Variants in ABLIM1 observed in about 807,000 individuals in gnomAD.
The protein encoded by ABLIM1 is actin binding LIM protein 1.
Under a neutral mutation model 107.0 loss-of-function variants are expected in ABLIM1, and 40 were observed. The ratio of observed to expected loss-of-function variants is 0.37; its 90% CI spans 0.29 to 0.49. The LOEUF (loss-of-function observed/expected upper bound fraction) is 0.49. ABLIM1 is among the 20% of genes least tolerant of loss of function. ABLIM1 has a pLI of 0.97. For missense variants in ABLIM1, 857 were observed against 1,008.5 expected, an observed-to-expected ratio of 0.85 and a Z score of 2.04; for synonymous variants, 357 against 357.3, an observed-to-expected ratio of 1.00 and a Z score of 0.01.
At chr10:114,693,440 T>C (rs779351988) in intron 1 of ABLIM1, among the ~76,000 whole-genome samples, 109 of 152,132 alleles carry the variant, frequency 7.2e-4, no homozygotes, top group Non-Finnish European at 1.4e-3. Flanking sequence ...AGCCACAGGC[T>C]CTGAGCAACA....
chr10:114,475,387 T>C (rs917883617), intron 8 of ABLIM1, among the ~76,000 whole-genome samples: 3 of 152,216 alleles, frequency 2.0e-5, no homozygotes, highest in Non-Finnish European at 4.4e-5. Flanking sequence ...TCATTCTTTT[T>C]TCCTTCATGA....
chr10:114,715,427 C>A (rs1387356501), intron 1 of ABLIM1, among the ~76,000 whole-genome samples: 1 of 152,224 alleles, frequency 6.6e-6, no homozygotes, highest in South Asian at 2.1e-4. Context: ...ATCTCCTGCT[C>A]TTTCCTTAGT....
intron 1 of ABLIM1, among the ~76,000 whole-genome samples, chr10:114,748,353 C>A (rs1250381220): frequency 6.6e-6 from 1 of 152,078 alleles, no homozygotes; most frequent in African/African-American, 2.4e-5. Flanking sequence ...GCAATCTATA[C>A]AAAAGTGACC....
chr10:114,618,081 T>C (rs987339463), intron 1 of ABLIM1, among the ~76,000 whole-genome samples: 2 of 152,350 alleles, frequency 1.3e-5, no homozygotes, highest in East Asian at 3.9e-4. Context: ...CTTAACACTA[T>C]GCTTATATCA....
In ABLIM1 at chr10:114,532,013, T is replaced by C. The variant is rs1022802107; in HGVS notation, c.894+12992A>G. On this transcript the variant is annotated intron_variant, in intron 6 of 22. Coordinates refer to ENST00000533213, the MANE Select transcript of ABLIM1 (RefSeq NM_002313.7). ...TATTTTTAGTAGATACGGGGTTTCA[T>C]GATGTTGGCCAGGCTCGTCTCGAAC... Among the ~76,000 whole-genome samples, 11 of 152,168 alleles carry C rather than the reference T, an allele frequency of 7.2e-5. No individual in the cohort carries two copies. The East Asian group carries it at 2.1e-3, about 29-fold the overall frequency.
chr10:114,779,408 T>C, the ABLIM1 span: 2 of 152,240 alleles, frequency 1.3e-5, no homozygotes, highest in Non-Finnish European at 2.9e-5. Flanking sequence ...GATTTCTTGC[T>C]TTCCTTGCCC....
intron 6 of ABLIM1, among the ~76,000 whole-genome samples, chr10:114,511,365 T>A (rs2061845462): frequency 6.6e-6 from 1 of 151,910 alleles, no homozygotes. Context: ...TTCTCACCTC[T>A]TTAAAAAAAT....
chr10:114,507,275 G>GAGTGGTGTATCTAACAATCATTGAGT (rs1165580178), intron 6 of ABLIM1, among the ~76,000 whole-genome samples: 1 of 152,156 alleles, frequency 6.6e-6, no homozygotes, highest in Non-Finnish European at 1.5e-5. Context: ...GAACAGTGAG[G>GAGTGGTGTATCTAACAATCATTGAGT]AGTGGTGTAT....
intron 6 of ABLIM1, among the ~76,000 whole-genome samples, chr10:114,496,429 T>C (rs1251894784): frequency 1.3e-5 from 2 of 150,434 alleles, no homozygotes; most frequent in African/African-American, 4.9e-5. Context: ...TGTTCTCACT[T>C]ACAAGTGGGA....
chr10:114,662,811 A>G (rs1435920657), upstream of ABLIM1, among the ~76,000 whole-genome samples: 2 of 152,244 alleles, frequency 1.3e-5, no homozygotes, highest in African/African-American at 2.4e-5. Flanking sequence ...AAGCGTAATT[A>G]GTTTAACAGG....
intron 1 of ABLIM1, among the ~76,000 whole-genome samples, chr10:114,628,303 C>T (rs1325848688): frequency 1.3e-5 from 2 of 152,240 alleles, no homozygotes; most frequent in African/African-American, 2.4e-5. Flanking sequence ...TGTCTGGAGA[C>T]ATATTTGATT....
chr10:114,486,880 C>A (rs1264014505), intron 8 of ABLIM1, among the ~76,000 whole-genome samples: 2 of 152,028 alleles, frequency 1.3e-5, no homozygotes, highest in African/African-American at 4.8e-5. Context: ...AAACAAAAAA[C>A]AAAGGAAAAA....
chr10:114,533,078 G>A (rs748857491), intron 6 of ABLIM1, among the ~76,000 whole-genome samples: 27 of 152,184 alleles, frequency 1.8e-4, no homozygotes, highest in Admixed American at 3.3e-4. Flanking sequence ...AGTGGCTCAC[G>A]CCTGTTATCC....
At chr10:114,553,258 C>T (rs368884533) in intron 4 of ABLIM1, among the ~76,000 whole-genome samples, 22 of 152,284 alleles carry the variant, frequency 1.4e-4, no homozygotes, top group African/African-American at 4.1e-4. Context: ...CTGCATGCTT[C>T]GAATGTGTAG....
Position 114,572,954 on chromosome 10 carries a change from G to A in ABLIM1, c.564-1548C>T, listed in dbSNP as rs149016083. Reference sequence around the variant, plus strand: ...CCTGTTGCATGCCCAGAGGCACCTCGCTTACCCCACCCAAGCCCAAGCCTT... The same window carrying A: ...CCTGTTGCATGCCCAGAGGCACCTCACTTACCCCACCCAAGCCCAAGCCTT... On this transcript the variant is annotated intron_variant, in intron 3 of 22. Transcript: ENST00000533213. Among the ~76,000 whole-genome samples, 141 of 152,200 alleles carry A rather than the reference G, an allele frequency of 9.3e-4. 1 individual carries two copies. The highest frequency in any genetic ancestry group is 2.3e-3 in the South Asian group (11 of 4,820).
intron 12 of ABLIM1, chr10:114,463,099 T>C: frequency 7.5e-7 from 1 of 1,332,144 alleles, no homozygotes; most frequent in South Asian, 1.2e-5. Flanking sequence ...CGGGAGTCGC[T>C]GTGGGTGGGG....
intron 6 of ABLIM1, among the ~76,000 whole-genome samples, chr10:114,525,098 C>T (rs191606345): frequency 1.6e-4 from 25 of 152,368 alleles, no homozygotes; most frequent in East Asian, 5.8e-4. Flanking sequence ...CTCTGGTTCT[C>T]ACAGCTGGGG....
chr10:114,504,378 C>T (rs930520787), intron 6 of ABLIM1, among the ~76,000 whole-genome samples: 2 of 150,616 alleles, frequency 1.3e-5, no homozygotes, highest in African/African-American at 4.8e-5. Flanking sequence ...GTCCATTCCC[C>T]ACTCCCCCAA....
chr10:114,516,975 G>T (rs917905102), intron 6 of ABLIM1, among the ~76,000 whole-genome samples: 157 of 152,124 alleles, frequency 1.0e-3, no homozygotes, highest in African/African-American at 3.6e-3. Context: ...AATAGTAGAT[G>T]CCATTCCTTG....
Sources: gnomAD v4.1 joint callset for allele counts (sites outside exome capture counted in the v4.1 genomes callset) on GRCh38, gnomAD v4.1.1 for gene constraint, MANE v1.5 for transcripts, NCBI Gene and HGNC (gene_info 2026-07-23, HGNC 2026-07-21) for gene names.